Variants in CIT observed in about 807,000 individuals in gnomAD.
CIT encodes citron Rho-interacting kinase.
Under a neutral mutation model 272.7 loss-of-function variants are expected in CIT, and 79 were observed. The ratio of observed to expected loss-of-function variants is 0.29; its 90% CI spans 0.24 to 0.35. CIT has a LOEUF of 0.35. Among genes scored for constraint, CIT ranks in the 10% least tolerant of loss-of-function variants. The probability of loss-of-function intolerance (pLI) is 1.00; values close to 1 mark genes in which losing one functional copy is unlikely to be tolerated. For synonymous variants in CIT, 948 were observed against 995.6 expected (o/e 0.95, Z 0.90); for missense variants, 1,909 against 2,618.3 (o/e 0.73, Z 5.91).
intron 24 of CIT, among the ~76,000 whole-genome samples, chr12:119,737,291 A>G (rs1353958035): frequency 7.7e-6 from 1 of 130,394 alleles, no homozygotes; most frequent in Non-Finnish European, 1.6e-5. Flanking sequence ...TGGGTGACAG[A>G]GCAAGATTCC....
In CIT at chr12:119,694,953, C is replaced by T. The variant is rs986846550; in HGVS notation, c.5882+2706G>A. Among the ~76,000 whole-genome samples, 52 of 152,172 alleles carry T rather than the reference C, an allele frequency of 3.4e-4. No individual in the cohort carries two copies. Among genetic ancestry groups the T allele is most frequent in the Admixed American group, 3.4e-3 (52 of 15,278 alleles). On this transcript the variant is annotated intron_variant, in intron 46 of 47. Transcript: ENST00000392521. The surrounding 1 kb of genome is among the most constrained non-coding windows in gnomAD (Gnocchi z 4.5). ...AGTTGTCAAAATCAACTTTTCAGAG[C>T]TCTAGAAATTAACCCTAGCCCTTTG...
At chr12:119,756,519 G>A (rs1301040283) in intron 22 of CIT, among the ~76,000 whole-genome samples, 1 of 152,174 alleles carries the variant, frequency 6.6e-6, no homozygotes, top group African/African-American at 2.4e-5. Context: ...GTCCCTCCTT[G>A]GCCCGCGGCC....
chr12:119,840,063 T>C (rs1387037570), intron 5 of CIT, among the ~76,000 whole-genome samples: 2 of 152,318 alleles, frequency 1.3e-5, no homozygotes, highest in East Asian at 3.9e-4. Context: ...ATGCCAGGAA[T>C]GCCGGCATTT....
chr12:119,762,615 T>G (rs1247770879), intron 19 of CIT, among the ~76,000 whole-genome samples: 1 of 152,166 alleles, frequency 6.6e-6, no homozygotes, highest in East Asian at 1.9e-4. Context: ...CCTTTATATT[T>G]TATGAGGTGC....
intron 4 of CIT, among the ~76,000 whole-genome samples, chr12:119,853,137 G>A (rs569918885): frequency 2.6e-5 from 4 of 152,136 alleles, no homozygotes; most frequent in East Asian, 3.9e-4. Context: ...GACTAGCCTA[G>A]CCAACATGGT....
In CIT at chr12:119,718,821, G is replaced by A. The variant is rs1419701270; in HGVS notation, c.3881C>T (p.Thr1294Ile). 6.2e-7 allele frequency: 1 copy of A among 1,614,034 alleles called. No individual in the cohort carries two copies. Among genetic ancestry groups the A allele is most frequent in the Non-Finnish European group, 8.5e-7 (1 of 1,180,022 alleles). The change falls in exon 31 of 48, where the codon ACA (threonine) becomes ATA (isoleucine). Residue 1294 changes from threonine (T) to isoleucine (I), a missense_variant. Coordinates refer to ENST00000392521, the MANE Select transcript of CIT (RefSeq NM_001206999.2). This position sits in a 1 kb window ranked among gnomAD's most constrained non-coding sequence, Gnocchi z 4.8. Reference sequence around the variant, plus strand: ...CTCATTGTACTGCAGAGGAACCTGTGTGGGTAAAGCAGGGTCCTCTTTCCG... The same window carrying A: ...CTCATTGTACTGCAGAGGAACCTGTATGGGTAAAGCAGGGTCCTCTTTCCG... ...SRRKEDPALP[T>I]QVPLQYNELK...
At position 119,776,786 on chromosome 12, in the gene CIT, A is replaced by G; in HGVS notation, c.1722T>C (p.Asp574=). The G allele has an allele frequency of 6.2e-7, 1 of 1,614,068 alleles. No homozygotes were observed. Among genetic ancestry groups the G allele is most frequent in the Non-Finnish European group, 8.5e-7 (1 of 1,180,018 alleles). The change falls in exon 14 of 48, where the codon GAT becomes GAC. Residue 574 remains aspartate (D), a synonymous_variant. Transcript: ENST00000392521. The stretch of plus-strand genomic sequence containing the variant: ...CACTCCGTCTTCTTGCTGAGACAAG[A>G]TCCTCTTCCAACTGATTCATCATCA... ...MRLMMNQLEE[D]LVSARRRSDL... is the part of the protein sequence containing the mutation.
At position 119,772,917 on chromosome 12, in the gene CIT, AGAGAG is replaced by A; in HGVS notation, c.1942-12_1942-8del. The A allele has an allele frequency of 6.2e-7, 1 of 1,610,624 alleles. No individual in the cohort carries two copies. The highest frequency in any genetic ancestry group is 8.5e-7 in the Non-Finnish European group (1 of 1,178,606). On this transcript the variant is annotated splice_polypyrimidine_tract_variant and splice_region_variant and intron_variant, in intron 16 of 47. Transcript: ENST00000392521. ...CCGTGCTGGCTTTTACAGCCTAGGAAGAGAGAAGGAAAAGGAGATAGGTGGGCAAA... is the reference window on the plus strand; with the variant it reads ...CCGTGCTGGCTTTTACAGCCTAGGAAAAGGAAAAGGAGATAGGTGGGCAAA...
intron 40 of CIT, among the ~76,000 whole-genome samples, chr12:119,706,427 C>T (rs1463195673): frequency 6.6e-6 from 1 of 152,024 alleles, no homozygotes. Context: ...TTCCCGATCC[C>T]CTCCCTCCTC....
chr12:119,778,657 C>A (rs1306253417), intron 13 of CIT, among the ~76,000 whole-genome samples: 1 of 152,006 alleles, frequency 6.6e-6, no homozygotes, highest in African/African-American at 2.4e-5. Context: ...CCCCCCAGAG[C>A]ATATTAAAGG....
At chr12:119,813,678 C>G (rs1206076714) in intron 9 of CIT, among the ~76,000 whole-genome samples, 1 of 152,118 alleles carries the variant, frequency 6.6e-6, no homozygotes, top group African/African-American at 2.4e-5. Context: ...CCATCTTCCC[C>G]CAAAAAAGGC....
intron 44 of CIT, 91 bp from the exon 45 acceptor site, chr12:119,698,145 G>GACCCA: frequency 8.7e-7 from 1 of 1,144,348 alleles, no homozygotes; most frequent in Non-Finnish European, 1.3e-6. Context: ...CTTTGACCCA[G>GACCCA]CAATCCTGTG....
chr12:119,724,860 C>G (rs1421534763), intron 28 of CIT, among the ~76,000 whole-genome samples: 1 of 132,558 alleles, frequency 7.5e-6, no homozygotes, highest in Admixed American at 9.4e-5. Context: ...GGCGTGAACC[C>G]GGGAGGCAGA....
chr12:119,850,589 T>G (rs1970159796), intron 4 of CIT, among the ~76,000 whole-genome samples: 1 of 152,144 alleles, frequency 6.6e-6, no homozygotes, highest in African/African-American at 2.4e-5. Flanking sequence ...TCACCTACTT[T>G]GGTCACAATT....
At chr12:119,759,792 C>A (rs1382214554) in intron 20 of CIT, among the ~76,000 whole-genome samples, 1 of 152,144 alleles carries the variant, frequency 6.6e-6, no homozygotes, top group Non-Finnish European at 1.5e-5. Context: ...AGGTTGGGGA[C>A]AGCTTCTCTA....
chr12:119,798,227 T>A (rs1480324756), intron 10 of CIT, among the ~76,000 whole-genome samples: 1 of 152,088 alleles, frequency 6.6e-6, no homozygotes, highest in African/African-American at 2.4e-5. Flanking sequence ...GCCTGTCAGC[T>A]CCCATCACAC....
chr12:119,735,855 A>G (rs751720183), intron 24 of CIT, among the ~76,000 whole-genome samples: 5 of 152,216 alleles, frequency 3.3e-5, no homozygotes, highest in Admixed American at 1.3e-4. Flanking sequence ...TATTTCGATA[A>G]TATCACAAGC....
chr12:119,774,784 G>A (rs1963573815), intron 16 of CIT, among the ~76,000 whole-genome samples: 1 of 151,140 alleles, frequency 6.6e-6, no homozygotes, highest in Admixed American at 6.6e-5. Context: ...ACCAGCCTGG[G>A]CAACATGGCA....
intron 23 of CIT, among the ~76,000 whole-genome samples, chr12:119,748,681 G>T (rs1172925532): frequency 6.6e-6 from 1 of 152,238 alleles, no homozygotes; most frequent in Non-Finnish European, 1.5e-5. Flanking sequence ...ATGACTTTGG[G>T]ATCCCATCAT....
Sources: allele counts gnomAD v4.1 joint callset (sites outside exome capture counted in the v4.1 genomes callset), GRCh38; gene constraint gnomAD v4.1.1; non-coding constraint Gnocchi (gnomAD v3.1); transcripts MANE v1.5; gene names NCBI Gene and HGNC (gene_info 2026-07-23, HGNC 2026-07-21).